Variants in KLK3 observed in about 807,000 individuals in gnomAD.
KLK3 encodes prostate-specific antigen.
In KLK3, 23 loss-of-function variants were observed where a neutral mutation model predicts 27.7. The ratio of observed to expected loss-of-function variants is 0.83; its 90% CI spans 0.60 to 1.17. The LOEUF is 1.17. Ranked by LOEUF, KLK3 falls within the 50% of genes most tolerant of loss-of-function variation. KLK3 has a pLI of 0.00. For synonymous variants in KLK3, 142 were observed against 134.2 expected (o/e 1.06, Z -0.40); for missense variants, 322 against 338.1 (o/e 0.95, Z 0.37).
chr19:50,858,833 C>T, intron 4 of KLK3: 2 of 602,904 alleles, frequency 3.3e-6, no homozygotes, highest in Non-Finnish European at 5.9e-6. Context: ...TTACTAGGCA[C>T]CTGCTATGCA....
intron 4 of KLK3, chr19:50,859,598 C>T: frequency 6.2e-7 from 1 of 1,613,716 alleles, no homozygotes. Flanking sequence ...CCCTAGTGCC[C>T]TGGAGAGGAG....
Position 50,856,353 on chromosome 19 carries a change from C to T in KLK3, c.160C>T (p.Leu54=), listed in dbSNP as rs2090147422. The part of the protein sequence containing the change: ...SRGRAVCGGV[L]VHPQWVLTAA... The stretch of plus-strand genomic sequence containing the variant: ...TGGCAGGGCAGTCTGCGGCGGTGTT[C>T]TGGTGCACCCCCAGTGGGTCCTCAC... The change falls in exon 2 of 5, where the codon CTG becomes TTG. Residue 54 remains leucine, a synonymous_variant. Coordinates refer to ENST00000326003, the MANE Select transcript of KLK3 (RefSeq NM_001648.2). 6.2e-7 allele frequency: 1 copy of T among 1,613,742 alleles called. No homozygotes were observed. Among genetic ancestry groups the T allele is most frequent in the South Asian group, 1.1e-5 (1 of 91,068 alleles).
At chr19:50,859,899 G>A (rs1165243734) in intron 4 of KLK3, 73 bp from the exon 5 acceptor site, 4 of 1,543,090 alleles carry the variant, frequency 2.6e-6, no homozygotes, top group Non-Finnish European at 2.6e-6. Context: ...GCCTGTCCAG[G>A]TCTGAAAGAT....
chr19:50,856,263 C>T lies in KLK3; in HGVS notation c.70C>T (p.Arg24Trp), dbSNP rs141576693. 108 of 1,612,836 alleles carry T rather than the reference C, an allele frequency of 6.7e-5. No individual in the cohort carries two copies. The African/African-American group carries it at 8.3e-4, about 12-fold the overall frequency. Residue 24 changes from arginine (R) to tryptophan (W), a missense_variant, in exon 2 of 5, where the codon CGG becomes TGG. Physicochemically the swap from Arg to Trp is moderately radical, Grantham distance 101. Transcript: ENST00000326003. ...AGGTGCTGCACCCCTCATCCTGTCT[C>T]GGATTGTGGGAGGCTGGGAGTGCGA... ...WIGAAPLILS[R>W]IVGGWECEKH...
At position 50,856,364 on chromosome 19, in the gene KLK3, C is replaced by T. The variant is rs758987002; in HGVS notation, c.171C>T (p.Pro57=). The T allele has an allele frequency of 2.5e-6, 4 of 1,613,770 alleles. No individual in the cohort carries two copies. Among genetic ancestry groups the T allele is most frequent in the African/African-American group, 1.3e-5 (1 of 74,912 alleles). Residue 57 remains proline, a synonymous_variant, in exon 2 of 5, where the codon CCC becomes CCT. Coordinates refer to ENST00000326003, the MANE Select transcript of KLK3 (RefSeq NM_001648.2). ...TCTGCGGCGGTGTTCTGGTGCACCC[C>T]CAGTGGGTCCTCACAGCTGCCCACT... The part of the protein sequence containing the change: ...RAVCGGVLVH[P]QWVLTAAHCI...
At chr19:50,857,179 A>AAAAAAAAAAAAAAAAG (rs1555770267) in intron 2 of KLK3, among the ~76,000 whole-genome samples, 3 of 145,278 alleles carry the variant, frequency 2.1e-5, no homozygotes, top group East Asian at 2.0e-4. Context: ...AAAAAAAAAA[A>AAAAAAAAAAAAAAAAG]AAAAGAAAAG....
intron 4 of KLK3, chr19:50,859,492 A>G: frequency 1.9e-6 from 3 of 1,546,192 alleles, no homozygotes; most frequent in Middle Eastern, 3.4e-4. Flanking sequence ...CCTGGCCCTC[A>G]GTCTCTCCCC....
At chr19:50,857,032 G>A (rs932360279) in intron 2 of KLK3, among the ~76,000 whole-genome samples, 9 of 151,686 alleles carry the variant, frequency 5.9e-5, no homozygotes, top group South Asian at 4.2e-4. Context: ...GCGTGGTGGC[G>A]CATGCCTGTA....
In KLK3 at chr19:50,860,027, G is replaced by A; in HGVS notation, c.686G>A (p.Trp229Ter). The change falls in exon 5 of 5, where the codon TGG becomes TAG. Residue 229 changes from tryptophan (W) to a stop codon, truncating the protein, a stop_gained. Transcript: ENST00000326003. LOFTEE classifies it high-confidence loss of function. Reference sequence around the variant, plus strand: ...GGTGTGCTTCAAGGTATCACGTCATGGGGCAGTGAACCATGTGCCCTGCCC... The same window carrying A: ...GGTGTGCTTCAAGGTATCACGTCATAGGGCAGTGAACCATGTGCCCTGCCC... ...CNGVLQGITSWGSEPCALPER... is the reference protein window; with the variant it reads ...CNGVLQGITS The A allele has an allele frequency of 6.2e-7, 1 of 1,614,116 alleles. No individual in the cohort carries two copies. The highest frequency in any genetic ancestry group is 8.5e-7 in the Non-Finnish European group (1 of 1,179,966).
intron 4 of KLK3, chr19:50,859,476 C>A (rs773028425): frequency 1.1e-4 from 155 of 1,471,844 alleles, no homozygotes; most frequent in Non-Finnish European, 1.9e-5. Flanking sequence ...GCCTCCCTCA[C>A]AGGCTCCTGG....
At chr19:50,855,222 C>G in intron 1 of KLK3, 1 of 566,242 alleles carries the variant, frequency 1.8e-6, no homozygotes, top group Non-Finnish European at 3.1e-6. Context: ...TACCCCAGAA[C>G]TTTCTCCCCA....
intron 2 of KLK3, chr19:50,856,647 C>G: frequency 2.1e-6 from 1 of 480,796 alleles, no homozygotes; most frequent in Non-Finnish European, 3.7e-6. Context: ...TAACTGGCTT[C>G]GGTTGTGTCT....
chr19:50,856,267 T>C lies in KLK3; in HGVS notation c.74T>C (p.Ile25Thr), dbSNP rs375110405. The C allele has an allele frequency of 4.3e-6, 7 of 1,612,788 alleles. No homozygotes were observed. The highest frequency in any genetic ancestry group is 2.2e-5 in the South Asian group (2 of 91,024). Residue 25 changes from isoleucine to threonine, a missense_variant, in exon 2 of 5, where the codon ATT becomes ACT. Physicochemically the swap from Ile to Thr is moderately conservative, Grantham distance 89 (BLOSUM62 -1). Coordinates refer to ENST00000326003, the MANE Select transcript of KLK3 (RefSeq NM_001648.2). Reference protein sequence around the residue: ...IGAAPLILSRIVGGWECEKHS... With the variant: ...IGAAPLILSRTVGGWECEKHS... The stretch of plus-strand genomic sequence containing the variant: ...GCTGCACCCCTCATCCTGTCTCGGA[T>C]TGTGGGAGGCTGGGAGTGCGAGAAG...
At chr19:50,858,961 A>C in intron 4 of KLK3, 1 of 395,162 alleles carries the variant, frequency 2.5e-6, no homozygotes. Context: ...CAACACAGAA[A>C]AGCTGGAGGG....
chr19:50,856,488 C>A, intron 2 of KLK3, 89 bp downstream of exon 2: 1 of 1,488,506 alleles, frequency 6.7e-7, no homozygotes, highest in Non-Finnish European at 9.1e-7. Context: ...CCTCTAAGGC[C>A]AGCCTTGGGA....
At chr19:50,858,730 C>A in intron 4 of KLK3, 135 bp downstream of exon 4, 1 of 910,236 alleles carries the variant, frequency 1.1e-6, no homozygotes. Flanking sequence ...CCCCGTGTCT[C>A]ATCTCATTCC....
Position 50,858,573 on chromosome 19 carries a change from C to A in KLK3, c.608C>A (p.Thr203Lys), listed in dbSNP as rs146528783. Residue 203 changes from threonine to lysine, a missense_variant, in exon 4 of 5, where the codon ACA becomes AAA. Thr to Lys is a moderately conservative substitution (Grantham distance 78). Coordinates refer to ENST00000326003, the MANE Select transcript of KLK3 (RefSeq NM_001648.2). ...TKFMLCAGRW[T>K]GGKSTCSGDS... ...TTCATGCTGTGTGCTGGACGCTGGA[C>A]AGGGGGCAAAAGCACCTGCTCGGTG... The A allele has an allele frequency of 2.5e-5, 41 of 1,614,086 alleles. No individual in the cohort carries two copies. Among genetic ancestry groups the A allele is most frequent in the Non-Finnish European group, 3.2e-5 (38 of 1,180,034 alleles).
intron 1 of KLK3, 34 bp from the exon 2 acceptor site, chr19:50,856,206 C>A (rs749858068): frequency 1.3e-6 from 2 of 1,591,860 alleles, no homozygotes; most frequent in African/African-American, 1.3e-5. Context: ...CTCCTGTCAA[C>A]CCTGATTCCC....
At chr19:50,855,066 T>A (rs1261302117) in intron 1 of KLK3, 65 bp downstream of exon 1, 3 of 1,563,710 alleles carry the variant, frequency 1.9e-6, no homozygotes, top group Non-Finnish European at 2.6e-6. Context: ...AAGCTGAGGC[T>A]CTTTCCCCCC....
Sources: gnomAD v4.1 joint callset for allele counts (sites outside exome capture counted in the v4.1 genomes callset) on GRCh38, gnomAD v4.1.1 for gene constraint, MANE v1.5 for transcripts, NCBI Gene and HGNC (gene_info 2026-07-23, HGNC 2026-07-21) for gene names.